Variants in ACACB observed in about 807,000 individuals in gnomAD.
ACACB encodes acetyl-CoA carboxylase 2.
In ACACB, 209 loss-of-function variants were observed where a neutral mutation model predicts 278.8. That is an observed-to-expected ratio of 0.75 (90% CI 0.67 to 0.84). The LOEUF (loss-of-function observed/expected upper bound fraction) is 0.84, where lower values mean the gene tolerates loss of function less well. ACACB is among the 40% of genes least tolerant of loss of function. The probability of loss-of-function intolerance (pLI) is 0.00; values close to 1 mark genes in which losing one functional copy is unlikely to be tolerated. For missense variants in ACACB, 2,850 were observed against 3,269.0 expected, an observed-to-expected ratio of 0.87 and a Z score of 3.13; for synonymous variants, 1,174 against 1,285.6, an observed-to-expected ratio of 0.91 and a Z score of 1.86.
At chr12:109,128,269 C>T (rs1344307247) in intron 1 of ACACB, among the ~76,000 whole-genome samples, 2 of 152,208 alleles carry the variant, frequency 1.3e-5, no homozygotes, top group African/African-American at 2.4e-5. Context: ...CTGCCTCAGC[C>T]TCCCTAGTAG....
intron 45 of ACACB, among the ~76,000 whole-genome samples, chr12:109,257,231 G>A (rs184877770): frequency 2.1e-4 from 32 of 151,896 alleles, no homozygotes; most frequent in African/African-American, 7.0e-4. Flanking sequence ...CCGAGATTGC[G>A]CCATTGCACT....
At chr12:109,254,722 T>C (rs746647357) in intron 44 of ACACB, among the ~76,000 whole-genome samples, 2 of 152,192 alleles carry the variant, frequency 1.3e-5, no homozygotes, top group African/African-American at 4.8e-5. Context: ...TTCTCTTTCT[T>C]TCTCTCTTAC....
chr12:109,260,034 CTGT>C (rs1402666628), intron 47 of ACACB: 3 of 1,330,882 alleles, frequency 2.3e-6, no homozygotes, highest in Non-Finnish European at 3.0e-6. Flanking sequence ...ATTGTCAGTG[CTGT>C]TATTATTGCA....
intron 34 of ACACB, among the ~76,000 whole-genome samples, chr12:109,238,980 G>A (rs1299063876): frequency 6.6e-6 from 1 of 152,024 alleles, no homozygotes; most frequent in Non-Finnish European, 1.5e-5. Flanking sequence ...GCAGTGGCGT[G>A]ATCTTGGCTC....
intron 24 of ACACB, among the ~76,000 whole-genome samples, chr12:109,218,653 T>A (rs1307384402): frequency 7.3e-6 from 1 of 136,586 alleles, no homozygotes; most frequent in South Asian, 2.6e-4. Context: ...GGTTTGGCAA[T>A]TTTTTTTTTT....
intron 24 of ACACB, among the ~76,000 whole-genome samples, chr12:109,221,895 G>GGT (rs749502407): frequency 2.2e-5 from 2 of 89,898 alleles, no homozygotes; most frequent in Admixed American, 1.0e-4. Flanking sequence ...TTTTTTTTTT[G>GGT]GGGGGGAGAC....
intron 2 of ACACB, among the ~76,000 whole-genome samples, chr12:109,144,513 A>G (rs2430684): frequency 0.86 from 130,269 of 151,926 alleles, 56,448 homozygotes; most frequent in Middle Eastern, 0.92. Context: ...TTTTGGGTGT[A>G]GGCCATGGAA....
chr12:109,207,116 C>T (rs755410491), intron 20 of ACACB, among the ~76,000 whole-genome samples: 6 of 152,138 alleles, frequency 3.9e-5, no homozygotes, highest in Non-Finnish European at 8.8e-5. Context: ...CCACCACGCC[C>T]GGCTAATTTT....
Position 109,166,568 on chromosome 12 carries a change from C to T in ACACB, c.654-293C>T, listed in dbSNP as rs74791208. ...TTGGTAGTGCCCTCTGTGGTCCCAGCTACCCAAGGAGGTCGAGGCTGCAGC... is the reference window on the plus strand; with the variant it reads ...TTGGTAGTGCCCTCTGTGGTCCCAGTTACCCAAGGAGGTCGAGGCTGCAGC... On this transcript the variant is annotated intron_variant, in intron 2 of 52. Coordinates refer to ENST00000338432, the MANE Select transcript of ACACB (RefSeq NM_001093.4). Among the ~76,000 whole-genome samples the T allele has an allele frequency of 1.7e-4, 25 of 144,432 alleles. 1 individual carries two copies. The East Asian group carries it at 4.8e-3, about 28-fold the overall frequency. 94.8% of individuals were successfully genotyped at this position (144,432 alleles called of 152,430 possible).
intron 16 of ACACB, 45 bp downstream of exon 16, chr12:109,193,774 C>T: frequency 1.3e-6 from 2 of 1,520,298 alleles, no homozygotes; most frequent in African/African-American, 2.7e-5. Flanking sequence ...ACTCTGCAAG[C>T]TTCAGGGAGT....
intron 33 of ACACB, chr12:109,235,897 G>T (rs1285451230): frequency 4.5e-6 from 2 of 443,622 alleles, no homozygotes; most frequent in Non-Finnish European, 8.0e-6. Context: ...TACTTGGGAG[G>T]CTGAGGTGGG....
chr12:109,114,025 G>A (rs1429108906), upstream of ACACB, among the ~76,000 whole-genome samples: 1 of 151,882 alleles, frequency 6.6e-6, no homozygotes, highest in Non-Finnish European at 1.5e-5. Flanking sequence ...TGTTTCTTAA[G>A]ATGGAGTACA....
chr12:109,228,625 C>T (rs995454306), intron 28 of ACACB, among the ~76,000 whole-genome samples: 1 of 149,304 alleles, frequency 6.7e-6, no homozygotes, highest in Non-Finnish European at 1.5e-5. Flanking sequence ...TGCCACTGCA[C>T]TCCAGCCTGG....
intron 34 of ACACB, 96 bp downstream of exon 34, chr12:109,237,476 A>C: frequency 7.7e-7 from 1 of 1,305,106 alleles, no homozygotes; most frequent in Non-Finnish European, 1.1e-6. Context: ...CATGCTGGGG[A>C]TGGAGAGTAC....
chr12:109,242,392 G>A (rs2046824135), intron 36 of ACACB, 45 bp from the exon 37 acceptor site: 1 of 1,590,534 alleles, frequency 6.3e-7, no homozygotes, highest in South Asian at 1.1e-5. Flanking sequence ...TGGGGGAGAT[G>A]TGTGATTCTC....
rs2045644163 is a variant in ACACB at position 109,209,902 on chromosome 12, C to CACACACACGTGTGTATATATGTGT, written c.3249+550_3249+551insCACACACGTGTGTATATATGTGTA. Among the ~76,000 whole-genome samples, 3 of 94,408 alleles carry CACACACACGTGTGTATATATGTGT rather than the reference C, an allele frequency of 3.2e-5. 1 individual carries two copies. Among genetic ancestry groups the CACACACACGTGTGTATATATGTGT allele is most frequent in the Non-Finnish European group, 7.3e-5 (3 of 41,140 alleles). 61.9% of individuals were successfully genotyped at this position (94,408 alleles called of 152,430 possible). A position where few individuals can be genotyped will look rare whatever the true frequency, so the allele number is the denominator to read the frequency against. On this transcript the variant is annotated intron_variant, in intron 21 of 52. Coordinates refer to ENST00000338432, the MANE Select transcript of ACACB (RefSeq NM_001093.4). ...ACGTGTGTATATATGTATATACACA[C>CACACACACGTGTGTATATATGTGT]ATACACACACGTGTGTATATATGTG...
At chr12:109,214,781 G>T (rs758012442) in intron 22 of ACACB, among the ~76,000 whole-genome samples, 2 of 152,160 alleles carry the variant, frequency 1.3e-5, no homozygotes, top group Non-Finnish European at 2.9e-5. Flanking sequence ...ATTTTTGGAA[G>T]AACATCCAGG....
chr12:109,250,684 AGTG>A, intron 41 of ACACB, among the ~76,000 whole-genome samples: 1 of 152,158 alleles, frequency 6.6e-6, no homozygotes, highest in South Asian at 2.1e-4. Context: ...TAGTACTAGC[AGTG>A]GTGGTAGTAG....
rs200727585 is a variant in ACACB at position 109,265,468 on chromosome 12, C to G, written c.7193C>G (p.Thr2398Ser). ...HWQAGDGPRS[T>S]IRENITYLKH... is the part of the protein sequence containing the mutation. ...CAGGCAGGGGATGGCCCGCGCTCCA[C>G]CATCCGTGAGAACATCACGTACCTG... The change falls in exon 52 of 53, where the codon ACC (threonine) becomes AGC (serine). Residue 2398 changes from threonine to serine, a missense_variant. Physicochemically the swap from Thr to Ser is moderately conservative, Grantham distance 58 (BLOSUM62 1). Around this residue, in one of 3 missense-constraint regions of ACACB, gnomAD observed 579 missense variants for 684.6 expected, o/e 0.85. Coordinates refer to ENST00000338432, the MANE Select transcript of ACACB (RefSeq NM_001093.4). 14 of 1,613,592 alleles carry G rather than the reference C, an allele frequency of 8.7e-6. No individual in the cohort carries two copies. The East Asian group carries it at 3.1e-4, about 36-fold the overall frequency.
Sources: allele counts gnomAD v4.1 joint callset (sites outside exome capture counted in the v4.1 genomes callset), GRCh38; gene constraint gnomAD v4.1.1; regional missense constraint gnomAD v4.1.1; transcripts MANE v1.5; gene names NCBI Gene and HGNC (gene_info 2026-07-23, HGNC 2026-07-21).